The following UGT2B28 variants were observed in gnomAD, a reference collection of about 807,000 sequenced individuals.
UGT2B28 encodes the protein UDP-glucuronosyltransferase 2B28.
A neutral mutation model predicts 43.6 loss-of-function variants in UGT2B28; 45 were observed. The ratio of observed to expected loss-of-function variants is 1.03; its 90% confidence interval spans 0.81 to 1.32. The LOEUF is 1.32. UGT2B28 is among the 40% of genes most tolerant of loss of function. The probability of loss-of-function intolerance (pLI) is 0.00; values close to 1 mark genes in which losing one functional copy is unlikely to be tolerated. For missense variants in UGT2B28, 649 were observed against 625.5 expected (o/e 1.04, Z -0.40); for synonymous variants, 204 against 208.1 (o/e 0.98, Z 0.17).
intron 2 of UGT2B28, among the ~76,000 whole-genome samples, chr4:69,285,768 A>C (rs188365237): frequency 7.1e-6 from 1 of 140,830 alleles, no homozygotes; most frequent in African/African-American, 2.8e-5. Context: ...ATAATTCTCA[A>C]TCAATTGCAG....
intron 4 of UGT2B28, 45 bp from the exon 5 acceptor site, chr4:69,290,547 A>G (rs1723921141): frequency 6.5e-7 from 1 of 1,534,606 alleles, no homozygotes; most frequent in Non-Finnish European, 8.8e-7. Context: ...TGTGTATCGC[A>G]TTTTATTCCT....
intron 2 of UGT2B28, among the ~76,000 whole-genome samples, chr4:69,284,355 T>C (rs373394816): frequency 7.1e-6 from 1 of 140,976 alleles, no homozygotes; most frequent in Non-Finnish European, 1.5e-5. Flanking sequence ...TTAAGACATA[T>C]GTACAAAGTA....
chr4:69,292,833 C>G lies in UGT2B28; in HGVS notation c.1311-1697C>G, dbSNP rs1289908363. Among the ~76,000 whole-genome samples, 18 of 139,784 alleles carry G rather than the reference C, an allele frequency of 1.3e-4. 4 individuals carry two copies. Among genetic ancestry groups the G allele is most frequent in the African/African-American group, 5.0e-4 (18 of 35,800 alleles). 91.7% of individuals were successfully genotyped at this position (139,784 alleles called of 152,430 possible). A position where few individuals can be genotyped will look rare whatever the true frequency, so the allele number is the denominator to read the frequency against. ...GTGGAAATAACGGAGGTTAAAAATA[C>G]TATTACTAAAATATCCTTAATATTG... On this transcript the variant is annotated intron_variant, in intron 5 of 5. Transcript: ENST00000335568.
Position 69,281,493 on chromosome 4 carries a change from T to C in UGT2B28, c.721+272T>C, listed in dbSNP as rs892845303. Among the ~76,000 whole-genome samples the C allele has an allele frequency of 1.6e-4, 23 of 140,830 alleles. 3 individuals carry two copies. The highest frequency in any genetic ancestry group is 2.4e-4 in the Non-Finnish European group (16 of 65,796). The allele number at this position is 140,830 out of a possible 152,430, so 92.4% of individuals were successfully genotyped here. A position where few individuals can be genotyped will look rare whatever the true frequency, so the allele number is the denominator to read the frequency against. ...ACCTAAGACTTTAAGCAATTACACA[T>C]CTGTTTTACTATATAATGTTTTAGA... On this transcript the variant is annotated intron_variant, in intron 1 of 5. Coordinates refer to ENST00000335568, the MANE Select transcript of UGT2B28 (RefSeq NM_053039.2).
chr4:69,287,005 A>G lies in UGT2B28; in HGVS notation c.1002+122A>G. On this transcript the variant is annotated intron_variant, in intron 3 of 5. Coordinates refer to ENST00000335568, the MANE Select transcript of UGT2B28 (RefSeq NM_053039.2). ...TTTACAGCCAAATACAGTCTTAAAT[A>G]TCTTGTGTAGCTTCCACCGACACAA... 3 of 1,429,844 alleles carry G rather than the reference A, an allele frequency of 2.1e-6. 1 individual carries two copies. Among genetic ancestry groups the G allele is most frequent in the South Asian group, 1.4e-5 (1 of 70,508 alleles). The allele number at this position is 1,429,844 out of a possible 1,614,324, so 88.6% of individuals were successfully genotyped here.
chr4:69,284,602 A>C (rs1455397095), intron 2 of UGT2B28, among the ~76,000 whole-genome samples: 1 of 139,920 alleles, frequency 7.1e-6, no homozygotes, highest in Non-Finnish European at 1.5e-5. Context: ...CTGACAGTGC[A>C]AATTGGAGGA....
At chr4:69,284,890 G>A (rs1304150325) in intron 2 of UGT2B28, among the ~76,000 whole-genome samples, 1 of 139,816 alleles carries the variant, frequency 7.2e-6, no homozygotes, top group Non-Finnish European at 1.5e-5. Context: ...AATGCGTATT[G>A]TTATTAATTT....
Position 69,284,596 on chromosome 4 carries a change from C to G in UGT2B28, c.870+1934C>G, listed in dbSNP as rs1723715050. Among the ~76,000 whole-genome samples the G allele has an allele frequency of 2.2e-5, 3 of 139,318 alleles. 1 individual carries two copies. In the South Asian group the frequency reaches 7.2e-4, roughly 33 times the overall value. 91.4% of individuals were successfully genotyped at this position (139,318 alleles called of 152,430 possible). On this transcript the variant is annotated intron_variant, in intron 2 of 5. Transcript: ENST00000335568. ...CCCCATTCACATTAAGGGAAACTGACAGTGCAAATTGGAGGAGGAAGAGAG... is the reference window on the plus strand; with the variant it reads ...CCCCATTCACATTAAGGGAAACTGAGAGTGCAAATTGGAGGAGGAAGAGAG...
At chr4:69,282,709 G>C (rs1250351741) in intron 2 of UGT2B28, 47 bp downstream of exon 2, 1 of 1,528,418 alleles carries the variant, frequency 6.5e-7, no homozygotes. Flanking sequence ...CGAAGTTTCA[G>C]TAGAAATGAG....
At position 69,294,763 on chromosome 4, in the gene UGT2B28, G is replaced by C. The variant is rs780859746; in HGVS notation, c.1544G>C (p.Cys515Ser). Residue 515 changes from cysteine (C) to serine (S), a missense_variant, in exon 6 of 6, where the codon TGT becomes TCT. Physicochemically the swap from Cys to Ser is moderately radical, Grantham distance 112. Coordinates refer to ENST00000335568, the MANE Select transcript of UGT2B28 (RefSeq NM_053039.2). ...IFVVTKFCLF[C>S]FWKFARKGKK... Reference sequence around the variant, plus strand: ...GTCGTCACAAAGTTTTGTCTGTTTTGTTTCTGGAAGTTTGCTAGAAAAGGG... The same window carrying C: ...GTCGTCACAAAGTTTTGTCTGTTTTCTTTCTGGAAGTTTGCTAGAAAAGGG... The C allele has an allele frequency of 1.3e-6, 2 of 1,558,174 alleles. No homozygotes were observed. The highest frequency in any genetic ancestry group is 1.7e-6 in the Non-Finnish European group (2 of 1,154,730).
intron 2 of UGT2B28, among the ~76,000 whole-genome samples, 176 bp from the exon 3 acceptor site, chr4:69,286,576 A>G (rs1723780984): frequency 7.1e-6 from 1 of 140,226 alleles, no homozygotes; most frequent in South Asian, 2.4e-4. Flanking sequence ...ACAGAGGCCA[A>G]CTACCTCAAA....
chr4:69,287,301 T>C lies in UGT2B28; in HGVS notation c.1002+418T>C, dbSNP rs1359765671. Among the ~76,000 whole-genome samples, 2 of 140,992 alleles carry C rather than the reference T, an allele frequency of 1.4e-5. 1 individual carries two copies. The highest frequency in any genetic ancestry group is 4.1e-4 in the East Asian group (2 of 4,920). 92.5% of individuals were successfully genotyped at this position (140,992 alleles called of 152,430 possible). On this transcript the variant is annotated intron_variant, in intron 3 of 5. Transcript: ENST00000335568. Reference sequence around the variant, plus strand: ...TCAAGTGTTTTCAACTAAAAATATATATCCAGAACTGCATCTTTGTAGAAA... The same window carrying C: ...TCAAGTGTTTTCAACTAAAAATATACATCCAGAACTGCATCTTTGTAGAAA...
chr4:69,289,704 G>A lies in UGT2B28; in HGVS notation c.1042G>A (p.Gly348Ser). The A allele has an allele frequency of 1.3e-6, 2 of 1,561,320 alleles. No individual in the cohort carries two copies. Among genetic ancestry groups the A allele is most frequent in the Non-Finnish European group, 8.6e-7 (1 of 1,157,178 alleles). The change falls in exon 4 of 6, where the codon GGT (glycine) becomes AGT (serine). Residue 348 changes from glycine to serine, a missense_variant. Coordinates refer to ENST00000335568, the MANE Select transcript of UGT2B28 (RefSeq NM_053039.2). Reference sequence around the variant, plus strand: ...TGATGGGAATAAACCAGATGCCTTAGGTCTCAATACTCGGCTGTATAAGTG... The same window carrying A: ...TGATGGGAATAAACCAGATGCCTTAAGTCTCAATACTCGGCTGTATAAGTG... ...RFDGNKPDAL[G>S]LNTRLYKWIP...
rs780852450 is a variant in UGT2B28 at position 69,290,692 on chromosome 4, G to A, written c.1191G>A (p.Trp397Ter). ...CTATGGTAGGCATTCCATTGTTTTG[G>A]GATCAACCTGATAACATTGCTCACA... is the stretch of plus-strand genomic sequence containing the variant. The part of the protein sequence containing the change: ...GIPMVGIPLF[W>*]DQPDNIAHMK... The change falls in exon 5 of 6, where the codon TGG (tryptophan) becomes TGA (stop). Residue 397 changes from tryptophan to a stop codon, truncating the protein, a stop_gained. Coordinates refer to ENST00000335568, the MANE Select transcript of UGT2B28 (RefSeq NM_053039.2). LOFTEE classifies it high-confidence loss of function. 7 of 1,559,178 alleles carry A rather than the reference G, an allele frequency of 4.5e-6. 1 individual carries two copies. The highest frequency in any genetic ancestry group is 1.8e-5 in the Admixed American group (1 of 56,242).
chr4:69,293,009 A>G (rs1199244557), intron 5 of UGT2B28, among the ~76,000 whole-genome samples: 1 of 140,770 alleles, frequency 7.1e-6, no homozygotes, highest in Non-Finnish European at 1.5e-5. Context: ...CAGAGTGTTC[A>G]TGAGAGAATT....
chr4:69,287,668 C>G (rs1723818134), intron 3 of UGT2B28, among the ~76,000 whole-genome samples: 1 of 139,544 alleles, frequency 7.2e-6, no homozygotes, highest in African/African-American at 2.8e-5. Context: ...ACAACCCCTC[C>G]CAGTGGAGGC....
At chr4:69,286,042 A>G (rs1723764432) in intron 2 of UGT2B28, among the ~76,000 whole-genome samples, 2 of 141,446 alleles carry the variant, frequency 1.4e-5, no homozygotes, top group African/African-American at 5.5e-5. Flanking sequence ...TATAAACTCT[A>G]CAATTCTGTA....
At chr4:69,293,109 C>T in intron 5 of UGT2B28, among the ~76,000 whole-genome samples, 1 of 140,516 alleles carries the variant, frequency 7.1e-6, no homozygotes, top group East Asian at 2.0e-4. Context: ...CAACAGAATA[C>T]TACATAGCAA....
intron 2 of UGT2B28, among the ~76,000 whole-genome samples, chr4:69,283,719 C>G (rs1322429547): frequency 1.4e-5 from 2 of 140,630 alleles, no homozygotes; most frequent in African/African-American, 5.6e-5. Context: ...ATTACCAATA[C>G]TACTAACTAC....
Sources: allele counts gnomAD v4.1 joint callset (sites outside exome capture counted in the v4.1 genomes callset), GRCh38; gene constraint gnomAD v4.1.1; transcripts MANE v1.5; gene names NCBI Gene and HGNC (gene_info 2026-07-23, HGNC 2026-07-21).